EIF4G1: variants seen among roughly 807,000 people sequenced by gnomAD.
EIF4G1 encodes the protein eukaryotic translation initiation factor 4 gamma 1.
In EIF4G1, 4 loss-of-function variants were observed where a neutral mutation model predicts 187.8. That is an observed-to-expected ratio of 0.02 (90% CI 0.01 to 0.05). The LOEUF (loss-of-function observed/expected upper bound fraction) is 0.05, where lower values mean the gene tolerates loss of function less well. EIF4G1 is among the 10% of genes least tolerant of loss of function. The pLI, the probability that EIF4G1 is intolerant of heterozygous loss-of-function variation, is 1.00. For synonymous variants in EIF4G1, 844 were observed against 781.4 expected (o/e 1.08, Z -1.34); for missense variants, 1,647 against 2,081.1 (o/e 0.79, Z 4.06).
intron 6 of EIF4G1, among the ~76,000 whole-genome samples, chr3:184,318,147 C>T (rs745662839): frequency 2.6e-5 from 4 of 152,070 alleles, no homozygotes; most frequent in Non-Finnish European, 4.4e-5. Context: ...GTTTTTGTAG[C>T]TATTTTTTAT....
rs1330091724 is a variant in EIF4G1, at chr3:184,322,719, A to C, written c.1784A>C (p.Glu595Ala). Residue 595 changes from glutamate to alanine, a missense_variant, in exon 12 of 33, where the codon GAA becomes GCA. By Grantham distance (107) the Glu-to-Ala change is moderately radical. This residue lies in a region of EIF4G1 where 522 missense variants were observed against 485.2 expected (regional missense o/e 1.08). Coordinates refer to ENST00000346169, the MANE Select transcript of EIF4G1 (RefSeq NM_198241.3). ...ENIQPGEQKY[E>A]YKSDQWKPLN... ...ATCCAGCCCGGGGAACAGAAGTATG[A>C]ATATAAGTCAGGTATGCTGAAGAAA... 6.2e-7 allele frequency: 1 copy of C among 1,614,094 alleles called. No individual in the cohort carries two copies. The highest frequency in any genetic ancestry group is 8.5e-7 in the Non-Finnish European group (1 of 1,180,058).
At chr3:184,319,143 A>G (rs1468515446) in intron 6 of EIF4G1, 3 of 152,526 alleles carry the variant, frequency 2.0e-5, no homozygotes, top group Non-Finnish European at 4.4e-5. Context: ...TAAGGAATTA[A>G]TTTTTCTTCA....
intron 1 of EIF4G1, 198 bp from the exon 2 acceptor site, chr3:184,315,291 C>A: frequency 2.1e-6 from 1 of 466,676 alleles, no homozygotes; most frequent in Non-Finnish European, 4.3e-6. Flanking sequence ...GCGGGTTCCC[C>A]GGCGGCAGGC....
chr3:184,334,930 T>TG lies in EIF4G1; in HGVS notation c.*24dup, dbSNP rs778980831. 4 of 1,613,118 alleles carry TG rather than the reference T, an allele frequency of 2.5e-6. No homozygotes were observed. Among genetic ancestry groups the TG allele is most frequent in the Non-Finnish European group, 3.4e-6 (4 of 1,179,794 alleles). ...CTGAGGGCTGGTGGGGCCGGGGACC[T>TG]GGAGCCCCATGGACACACAGATGGC... On this transcript the variant is annotated 3_prime_UTR_variant, in exon 33 of 33. Coordinates refer to ENST00000346169, the MANE Select transcript of EIF4G1 (RefSeq NM_198241.3). This position sits in a 1 kb window ranked among gnomAD's most constrained non-coding sequence, Gnocchi z 5.8.
rs778828005 is a variant in EIF4G1, at chr3:184,322,980, A to T, written c.1929+26A>T. ...GTTAGTGGCTTCAGTTGGGGAGGGG[A>T]CGATAAGTTTGTGCTGGATGGATTG... is the stretch of plus-strand genomic sequence containing the variant. On this transcript the variant is annotated intron_variant, in intron 13 of 32. Coordinates refer to ENST00000346169, the MANE Select transcript of EIF4G1 (RefSeq NM_198241.3). The T allele has an allele frequency of 3.7e-6, 6 of 1,613,844 alleles. No homozygotes were observed. In the African/African-American group the frequency reaches 8.0e-5, roughly 22 times the overall value.
At chr3:184,317,237 A>G in intron 4 of EIF4G1, 84 bp from the exon 5 acceptor site, 3 of 1,484,556 alleles carry the variant, frequency 2.0e-6, no homozygotes, top group South Asian at 2.3e-5. Flanking sequence ...ACTTCTTTCC[A>G]GGCTATAGAG....
In EIF4G1 at chr3:184,324,398, A is replaced by AC. The variant is rs773361106; in HGVS notation, c.2619+54dup. 5 of 1,612,532 alleles carry AC rather than the reference A, an allele frequency of 3.1e-6. No homozygotes were observed. The African/African-American group carries it at 6.7e-5, about 22-fold the overall frequency. ...CACTCACCACTTACCTCCTTCCCTTACCCAGATGCTACTCAGCTGTAGAAT... is the reference window on the plus strand; with the variant it reads ...CACTCACCACTTACCTCCTTCCCTTACCCCAGATGCTACTCAGCTGTAGAAT... On this transcript the variant is annotated intron_variant, in intron 17 of 32. Transcript: ENST00000346169.
At position 184,327,593 on chromosome 3, in the gene EIF4G1, A is replaced by G; in HGVS notation, c.3669A>G (p.Arg1223=). The part of the protein sequence containing the change: ...DRDRGRDAVK[R]EAALPPVSPL... ...TGTGTTCTCTTCCCACAGTGAAGCG[A>G]GAAGCTGCCCTACCCCCAGTGAGCC... The change falls in exon 25 of 33, where the codon CGA becomes CGG. Residue 1223 remains arginine, a synonymous_variant. Transcript: ENST00000346169. 1 of 1,614,120 alleles carries G rather than the reference A, an allele frequency of 6.2e-7. No homozygotes were observed. The highest frequency in any genetic ancestry group is 8.5e-7 in the Non-Finnish European group (1 of 1,179,956).
Position 184,323,660 on chromosome 3 carries a change from T to C in EIF4G1, c.2274+67T>C. The C allele has an allele frequency of 2.5e-6, 4 of 1,611,644 alleles. No homozygotes were observed. The highest frequency in any genetic ancestry group is 2.5e-6 in the Non-Finnish European group (3 of 1,179,238). Reference sequence around the variant, plus strand: ...CCAGGTCTGCCATCTGTGCCCTCTTTGCTTCTTTTTGTCCTTATCACTAGC... The same window carrying C: ...CCAGGTCTGCCATCTGTGCCCTCTTCGCTTCTTTTTGTCCTTATCACTAGC... On this transcript the variant is annotated intron_variant, in intron 15 of 32. Transcript: ENST00000346169. The surrounding 1 kb of genome is among the most constrained non-coding windows in gnomAD (Gnocchi z 6.9).
At chr3:184,322,279 C>G in intron 10 of EIF4G1, 83 bp from the exon 11 acceptor site, 1 of 1,532,974 alleles carries the variant, frequency 6.5e-7, no homozygotes, top group Admixed American at 1.9e-5. Context: ...TGTTCTTTGG[C>G]TGCTTTCTAT....
rs776174385 is a variant in EIF4G1, at chr3:184,324,945, T to C, written c.2687T>C (p.Leu896Ser). The change falls in exon 18 of 33, where the codon TTA becomes TCA. Residue 896 changes from leucine to serine, a missense_variant. Coordinates refer to ENST00000346169, the MANE Select transcript of EIF4G1 (RefSeq NM_198241.3). ...EARDIARRRS[L>S]GNIKFIGELF... ...CGGGACATAGCCCGGCGGCGCTCTTTAGGGAATATCAAGTTTATTGGAGAG... is the reference window on the plus strand; with the variant it reads ...CGGGACATAGCCCGGCGGCGCTCTTCAGGGAATATCAAGTTTATTGGAGAG... The C allele has an allele frequency of 1.2e-6, 2 of 1,614,246 alleles. No homozygotes were observed. Among genetic ancestry groups the C allele is most frequent in the East Asian group, 2.2e-5 (1 of 44,890 alleles).
Position 184,319,705 on chromosome 3 carries a change from A to G in EIF4G1, c.441A>G (p.Pro147=). Residue 147 remains proline (P), a synonymous_variant, in exon 7 of 33, where the codon CCA becomes CCG. Transcript: ENST00000346169. ...EFGTYAGAYY[P]AQGVQQFPTG... is the part of the protein sequence containing the mutation. The stretch of plus-strand genomic sequence containing the variant: ...TCCCCCAAGCTGGCGCCTACTATCC[A>G]GCCCAAGGGGTGCAGCAGTTTCCCA... The G allele has an allele frequency of 3.7e-6, 6 of 1,600,790 alleles. No individual in the cohort carries two copies. Among genetic ancestry groups the G allele is most frequent in the Non-Finnish European group, 5.1e-6 (6 of 1,173,960 alleles).
Position 184,320,652 on chromosome 3 carries a change from A to G in EIF4G1, c.560A>G (p.Gln187Arg), listed in dbSNP as rs1723741024. Reference protein sequence around the residue: ...RKTIRIRDPNQGGKDITEEIM... With the variant: ...RKTIRIRDPNRGGKDITEEIM... ...CAGATCCGAATTCGAGATCCAAACC[A>G]AGGAGGAAAGGATATCACAGAGGAG... Residue 187 changes from glutamine to arginine, a missense_variant, in exon 8 of 33, where the codon CAA becomes CGA. Transcript: ENST00000346169. 6.2e-7 allele frequency: 1 copy of G among 1,613,966 alleles called. No homozygotes were observed. The highest frequency in any genetic ancestry group is 8.5e-7 in the Non-Finnish European group (1 of 1,179,970).
chr3:184,326,176 G>T (rs1724865526), intron 21 of EIF4G1, among the ~76,000 whole-genome samples: 1 of 151,054 alleles, frequency 6.6e-6, no homozygotes, highest in African/African-American at 2.5e-5. Flanking sequence ...ACACGTGCCA[G>T]ATCCAGCCCA....
intron 22 of EIF4G1, 113 bp downstream of exon 22, chr3:184,326,742 A>G: frequency 6.8e-7 from 1 of 1,480,766 alleles, no homozygotes; most frequent in Non-Finnish European, 9.4e-7. Flanking sequence ...TGCGGGCAAT[A>G]GAGGAGGTTT....
chr3:184,332,352 G>C (rs2108523240), intron 32 of EIF4G1, among the ~76,000 whole-genome samples: 1 of 152,344 alleles, frequency 6.6e-6, no homozygotes, highest in East Asian at 1.9e-4. Flanking sequence ...ATAAATGATA[G>C]GATCTTCCCA....
Position 184,315,753 on chromosome 3 carries a change from T to A in EIF4G1, c.-34-10T>A. 6.5e-7 allele frequency: 1 copy of A among 1,548,754 alleles called. No homozygotes were observed. ...CCTTCCTCTTCCTGAGCGCCACTCT[T>A]TCCCAACAGGTGCTGGGGGGACCCT... On this transcript the variant is annotated splice_polypyrimidine_tract_variant and intron_variant, in intron 2 of 32. Transcript: ENST00000346169.
In EIF4G1 at chr3:184,328,745, G is replaced by A. The variant is rs750781620; in HGVS notation, c.4068G>A (p.Gly1356=). ...PILQEGGVPM[G]ELFREITKPL... ...TGCAGGAAGGTGGGGTGCCCATGGG[G>A]GAGCTGTTCAGGTAAGTCCCCCTGG... The change falls in exon 27 of 33, where the codon GGG becomes GGA. Residue 1356 remains glycine, a synonymous_variant. Transcript: ENST00000346169. 16 of 1,614,220 alleles carry A rather than the reference G, an allele frequency of 9.9e-6. No homozygotes were observed. In the East Asian group the frequency reaches 3.3e-4, roughly 34 times the overall value.
At chr3:184,319,430 T>C (rs952808089) in intron 6 of EIF4G1, among the ~76,000 whole-genome samples, 2 of 45,342 alleles carry the variant, frequency 4.4e-5, no homozygotes, top group Non-Finnish European at 7.7e-5. Context: ...ACGAGGGGTG[T>C]GTGTGTGTGT....
Sources: gnomAD v4.1 joint callset for allele counts (sites outside exome capture counted in the v4.1 genomes callset) on GRCh38, gnomAD v4.1.1 for gene constraint, gnomAD v4.1.1 regional missense constraint, Gnocchi (gnomAD v3.1) non-coding constraint, MANE v1.5 for transcripts, NCBI Gene and HGNC (gene_info 2026-07-23, HGNC 2026-07-21) for gene names.